Variants in RSRC1 observed in about 807,000 individuals in gnomAD.
The protein encoded by RSRC1 is arginine and serine rich coiled-coil 1, also known as serine/Arginine-related protein 53.
In RSRC1, 39 loss-of-function variants were observed where a neutral mutation model predicts 49.1. That is an observed-to-expected ratio of 0.79 (90% CI 0.61 to 1.04). The LOEUF is 1.04. RSRC1 is among the 50% of genes least tolerant of loss of function. The pLI is 0.00. For synonymous variants in RSRC1, 143 were observed against 130.8 expected (o/e 1.09, Z -0.63); for missense variants, 388 against 402.4 (o/e 0.96, Z 0.31).
chr3:158,423,794 C>T (rs1234049241), intron 6 of RSRC1, among the ~76,000 whole-genome samples: 1 of 151,934 alleles, frequency 6.6e-6, no homozygotes, highest in African/African-American at 2.4e-5. Context: ...TCCTTCACAT[C>T]CCTTGTAAGT....
chr3:158,207,666 CAGAG>C (rs766633295), intron 4 of RSRC1, among the ~76,000 whole-genome samples: 2 of 31,040 alleles, frequency 6.4e-5, no homozygotes, highest in Admixed American at 3.8e-4. Context: ...GATAGATAGA[CAGAG>C]AGACAGACAG....
intron 3 of RSRC1, among the ~76,000 whole-genome samples, chr3:158,186,605 T>C (rs1719945144): frequency 6.6e-6 from 1 of 151,978 alleles, no homozygotes; most frequent in Non-Finnish European, 1.5e-5. Context: ...ATCTTAAACA[T>C]GAGAAACAGA....
intron 5 of RSRC1, chr3:158,303,610 A>G (rs530363369): frequency 5.3e-5 from 8 of 152,328 alleles, no homozygotes; most frequent in Admixed American, 1.3e-4. Flanking sequence ...CCAGCAAGAA[A>G]AATACATTAA....
chr3:158,322,391 G>A lies in RSRC1; in HGVS notation c.531+24316G>A, dbSNP rs1029478468. ...GGATTACAGGTGTGAGCCACTGCCTGTCCCCCCAGCCCACCGCAAACTAAA... is the reference window on the plus strand; with the variant it reads ...GGATTACAGGTGTGAGCCACTGCCTATCCCCCCAGCCCACCGCAAACTAAA... On this transcript the variant is annotated intron_variant, in intron 5 of 9. Coordinates refer to ENST00000611884, the MANE Select transcript of RSRC1 (RefSeq NM_001271838.2). Among the ~76,000 whole-genome samples, 4 of 151,966 alleles carry A rather than the reference G, an allele frequency of 2.6e-5. No individual in the cohort carries two copies. In the South Asian group the frequency reaches 8.3e-4, roughly 32 times the overall value.
At chr3:158,338,634 T>C (rs949849892) in intron 5 of RSRC1, among the ~76,000 whole-genome samples, 1 of 152,242 alleles carries the variant, frequency 6.6e-6, no homozygotes, top group Non-Finnish European at 1.5e-5. Context: ...TTTAAGGCCA[T>C]TAATGGTAGC....
At chr3:158,287,690 TTAAGC>T (rs1726654698) in intron 4 of RSRC1, among the ~76,000 whole-genome samples, 1 of 152,166 alleles carries the variant, frequency 6.6e-6, no homozygotes, top group African/African-American at 2.4e-5. Flanking sequence ...GTGAAAAAAT[TTAAGC>T]TATATAACAA....
intron 5 of RSRC1, among the ~76,000 whole-genome samples, chr3:158,319,541 A>G (rs1052436389): frequency 6.6e-6 from 1 of 152,176 alleles, no homozygotes; most frequent in Non-Finnish European, 1.5e-5. Context: ...ATCTAACACA[A>G]TTTAAGCTCA....
At chr3:158,287,319 A>C (rs1034248926) in intron 4 of RSRC1, among the ~76,000 whole-genome samples, 8 of 152,204 alleles carry the variant, frequency 5.3e-5, no homozygotes, top group African/African-American at 1.7e-4. Flanking sequence ...TGTAATGTGA[A>C]TTTAATTGAC....
chr3:158,330,275 TC>T (rs1431903023), intron 5 of RSRC1, among the ~76,000 whole-genome samples: 3 of 152,152 alleles, frequency 2.0e-5, no homozygotes, highest in African/African-American at 7.2e-5. Flanking sequence ...CAGTGAGATT[TC>T]CTCAGTTGGA....
chr3:158,436,514 A>G (rs956148947), intron 6 of RSRC1, among the ~76,000 whole-genome samples: 1 of 151,970 alleles, frequency 6.6e-6, no homozygotes, highest in African/African-American at 2.4e-5. Context: ...ACATACATAT[A>G]TACACACCAG....
chr3:158,143,600 A>C (rs909031988), intron 3 of RSRC1, among the ~76,000 whole-genome samples: 3 of 152,184 alleles, frequency 2.0e-5, no homozygotes, highest in Non-Finnish European at 2.9e-5. Flanking sequence ...TAGCTTATAA[A>C]ATTTTTTTAG....
At chr3:158,170,923 A>G (rs1344281317) in intron 3 of RSRC1, among the ~76,000 whole-genome samples, 1 of 152,100 alleles carries the variant, frequency 6.6e-6, no homozygotes. Flanking sequence ...CACCCCAGTC[A>G]TGTGGAACTG....
chr3:158,485,854 A>C (rs1216986670), intron 7 of RSRC1, among the ~76,000 whole-genome samples: 1 of 152,152 alleles, frequency 6.6e-6, no homozygotes, highest in African/African-American at 2.4e-5. Context: ...AATTACAGAA[A>C]ATTTTCTAAC....
intron 6 of RSRC1, among the ~76,000 whole-genome samples, chr3:158,387,511 A>G (rs572744165): frequency 8.5e-5 from 13 of 152,294 alleles, no homozygotes; most frequent in Admixed American, 4.6e-4. Context: ...AATGCATAAC[A>G]TAAGTATGAA....
At chr3:158,421,640 G>C (rs1419354721) in intron 6 of RSRC1, among the ~76,000 whole-genome samples, 1 of 151,916 alleles carries the variant, frequency 6.6e-6, no homozygotes, top group African/African-American at 2.4e-5. Context: ...TGGGCACCCA[G>C]AGAATTTGAG....
chr3:158,206,973 G>T (rs1466276023), intron 4 of RSRC1, among the ~76,000 whole-genome samples: 1 of 152,120 alleles, frequency 6.6e-6, no homozygotes, highest in African/African-American at 2.4e-5. Flanking sequence ...CAGGAATTTT[G>T]CTAAGCATTT....
chr3:158,294,234 A>G (rs1293410389), intron 4 of RSRC1, among the ~76,000 whole-genome samples: 1 of 151,954 alleles, frequency 6.6e-6, no homozygotes, highest in East Asian at 1.9e-4. Context: ...GCCTTCTGCA[A>G]TAGTTCTTCT....
chr3:158,223,582 G>C (rs1722345422), intron 4 of RSRC1, among the ~76,000 whole-genome samples: 1 of 123,974 alleles, frequency 8.1e-6, no homozygotes. Flanking sequence ...CTATAGTTTA[G>C]CTTCCTGATT....
intron 4 of RSRC1, among the ~76,000 whole-genome samples, chr3:158,278,898 A>G (rs1445553295): frequency 6.6e-6 from 1 of 152,186 alleles, no homozygotes; most frequent in Non-Finnish European, 1.5e-5. Context: ...TGTGAGTTGG[A>G]AATACTATAA....
Sources: gnomAD v4.1 joint callset for allele counts (sites outside exome capture counted in the v4.1 genomes callset) on GRCh38, gnomAD v4.1.1 for gene constraint, MANE v1.5 for transcripts, NCBI Gene and HGNC (gene_info 2026-07-23, HGNC 2026-07-21) for gene names.